DNAH7: variants seen among roughly 807,000 people sequenced by gnomAD.
The protein encoded by DNAH7 is dynein axonemal heavy chain 7, also known as axonemal beta dynein heavy chain 7.
A neutral mutation model predicts 444.6 loss-of-function variants in DNAH7; 397 were observed. The ratio of observed to expected loss-of-function variants is 0.89; its 90% CI spans 0.82 to 0.97. The LOEUF (loss-of-function observed/expected upper bound fraction) is 0.97, where lower values mean the gene tolerates loss of function less well. Among genes scored for constraint, DNAH7 ranks in the 50% least tolerant of loss-of-function variants. DNAH7 has a pLI of 0.00. For synonymous variants in DNAH7, 1,636 were observed against 1,624.4 expected (o/e 1.01, Z -0.17); for missense variants, 4,902 against 4,800.8 (o/e 1.02, Z -0.62).
At position 195,864,513 on chromosome 2, in the gene DNAH7, T is replaced by C; in HGVS notation, c.7142A>G (p.Lys2381Arg). The C allele has an allele frequency of 6.2e-7, 1 of 1,614,170 alleles. No individual in the cohort carries two copies. The highest frequency in any genetic ancestry group is 8.5e-7 in the Non-Finnish European group (1 of 1,180,030). ...YDTTEWHEDL[K>R]VILRKCAEGE... ...TTCCGCACATTTCCTTAAGATCACT[T>C]TTAAATCTTCATGCCATTCAGTAGT... Residue 2381 changes from lysine (K) to arginine (R), a missense_variant, in exon 41 of 65, where the codon AAA (lysine) becomes AGA (arginine). Transcript: ENST00000312428.
rs2105863053 is a variant in DNAH7, at chr2:195,737,862, A to AATG, written c.*58_*59insCAT. On this transcript the variant is annotated 3_prime_UTR_variant, in exon 65 of 65. Coordinates refer to ENST00000312428, the MANE Select transcript of DNAH7 (RefSeq NM_018897.3). ...AAAAAAAAGGTTTAAGTAGTAAAAT[A>AATG]TGCTTTCTCTACTCAGCCAGCCAAC... 1 of 1,541,632 alleles carries AATG rather than the reference A, an allele frequency of 6.5e-7. No homozygotes were observed. The highest frequency in any genetic ancestry group is 8.9e-7 in the Non-Finnish European group (1 of 1,123,292).
intron 48 of DNAH7, among the ~76,000 whole-genome samples, chr2:195,825,784 G>A (rs1034970574): frequency 5.9e-5 from 9 of 152,156 alleles, no homozygotes; most frequent in Non-Finnish European, 1.2e-4. Flanking sequence ...AATCTGGATG[G>A]GAAGGAAGGG....
At chr2:195,821,766 T>G (rs1222611934) in intron 49 of DNAH7, among the ~76,000 whole-genome samples, 1 of 152,178 alleles carries the variant, frequency 6.6e-6, no homozygotes, top group African/African-American at 2.4e-5. Context: ...TGGAGTTGCT[T>G]TAGCCTCCAC....
chr2:195,947,299 A>T (rs962880607), intron 19 of DNAH7, among the ~76,000 whole-genome samples: 12 of 151,840 alleles, frequency 7.9e-5, no homozygotes, highest in South Asian at 4.2e-4. Context: ...TTATTTTTTT[A>T]AATTATGATT....
At chr2:195,998,564 CAAAAAAA>C (rs539748720) in intron 12 of DNAH7, among the ~76,000 whole-genome samples, 1 of 96,968 alleles carries the variant, frequency 1.0e-5, no homozygotes, top group South Asian at 3.4e-4. Flanking sequence ...GACTCCAACT[CAAAAAAA>C]AAAAAAAAAA....
intron 15 of DNAH7, among the ~76,000 whole-genome samples, chr2:195,976,727 G>C (rs1426656418): frequency 1.4e-5 from 2 of 146,022 alleles, no homozygotes; most frequent in African/African-American, 2.6e-5. Flanking sequence ...TTAGCAGACA[G>C]AGAGAGACAG....
intron 47 of DNAH7, among the ~76,000 whole-genome samples, chr2:195,840,287 C>T (rs1426335758): frequency 6.6e-6 from 1 of 151,624 alleles, no homozygotes; most frequent in Non-Finnish European, 1.5e-5. Flanking sequence ...GCAGAAAAAA[C>T]ATTTCACAAA....
At chr2:196,017,532 A>G (rs551001575) in intron 9 of DNAH7, among the ~76,000 whole-genome samples, 2 of 150,826 alleles carry the variant, frequency 1.3e-5, no homozygotes, top group South Asian at 4.2e-4. Flanking sequence ...ATATAAGCAC[A>G]TGCCATAGAG....
At chr2:195,755,229 G>C (rs915253381) in intron 62 of DNAH7, among the ~76,000 whole-genome samples, 1 of 152,138 alleles carries the variant, frequency 6.6e-6, no homozygotes, top group Non-Finnish European at 1.5e-5. Context: ...TGCTTTGGAA[G>C]TTTTTCTTCC....
chr2:195,945,075 A>C (rs1689711965), intron 19 of DNAH7, among the ~76,000 whole-genome samples: 1 of 151,856 alleles, frequency 6.6e-6, no homozygotes, highest in Non-Finnish European at 1.5e-5. Context: ...ACTACTCTAA[A>C]ACCCAAGTGG....
chr2:195,899,744 G>A (rs761788895), intron 28 of DNAH7, among the ~76,000 whole-genome samples: 2 of 152,050 alleles, frequency 1.3e-5, no homozygotes, highest in Non-Finnish European at 1.5e-5. Context: ...ACTAACTAAT[G>A]TACAGTTATA....
chr2:196,046,303 C>G (rs1697121606), intron 5 of DNAH7, among the ~76,000 whole-genome samples: 1 of 152,014 alleles, frequency 6.6e-6, no homozygotes, highest in Non-Finnish European at 1.5e-5. Context: ...ATGGGGAATT[C>G]CAACTGAAAT....
At chr2:196,045,464 G>A (rs1368339472) in intron 5 of DNAH7, among the ~76,000 whole-genome samples, 1 of 151,744 alleles carries the variant, frequency 6.6e-6, no homozygotes, top group East Asian at 1.9e-4. Flanking sequence ...AATGAGGAGT[G>A]GAATGCAAAA....
chr2:195,901,537 T>C (rs1686706778), intron 27 of DNAH7: 1 of 152,116 alleles, frequency 6.6e-6, no homozygotes, highest in Non-Finnish European at 1.5e-5. Flanking sequence ...GGAAGCAACA[T>C]GTTACAGAAC....
At position 195,884,826 on chromosome 2, in the gene DNAH7, A is replaced by G. The variant is rs749161563; in HGVS notation, c.5539-17T>C. The G allele has an allele frequency of 6.3e-7, 1 of 1,580,012 alleles. No homozygotes were observed. The highest frequency in any genetic ancestry group is 8.7e-7 in the Non-Finnish European group (1 of 1,154,292). ...AAAAATGCCCTGCATTGGACAGATG[A>G]GAAGATTAAGAACAATTAAAGAATA... On this transcript the variant is annotated splice_polypyrimidine_tract_variant and intron_variant, in intron 34 of 64. Coordinates refer to ENST00000312428, the MANE Select transcript of DNAH7 (RefSeq NM_018897.3).
At chr2:195,906,453 CTTTT>C (rs397870111) in intron 27 of DNAH7, among the ~76,000 whole-genome samples, 5 of 114,710 alleles carry the variant, frequency 4.4e-5, no homozygotes, top group South Asian at 3.0e-4. Flanking sequence ...TTCTTTCTTT[CTTTT>C]TTTTTTTTTT....
intron 1 of DNAH7, among the ~76,000 whole-genome samples, chr2:196,064,228 T>G (rs1359478070): frequency 2.0e-5 from 3 of 151,600 alleles, no homozygotes; most frequent in Admixed American, 2.0e-4. Flanking sequence ...GGCAGGAGAA[T>G]GGCGTGAACC....
At chr2:195,931,782 A>C (rs1647338696) in intron 21 of DNAH7, among the ~76,000 whole-genome samples, 1 of 152,158 alleles carries the variant, frequency 6.6e-6, no homozygotes, top group Non-Finnish European at 1.5e-5. Context: ...ATTGGTCTAC[A>C]TCTCTGTTTT....
In DNAH7 at chr2:195,960,838, T is replaced by C. The variant is rs1213199470; in HGVS notation, c.2313A>G (p.Glu771=). 7 of 1,614,068 alleles carry C rather than the reference T, an allele frequency of 4.3e-6. No individual in the cohort carries two copies. The South Asian group carries it at 4.4e-5, about 10-fold the overall frequency. The change falls in exon 18 of 65, where the codon GAA becomes GAG. Residue 771 remains glutamate (E), a synonymous_variant. Transcript: ENST00000312428. ...AGTTGCTGCTAAATTCGACAGCAGT[T>C]TCATAAAGACGAAGATAAGGGTTCA... The part of the protein sequence containing the change: ...DGLNPYLRLY[E]TAVEFSSNYR...
Sources: gnomAD v4.1 joint callset for allele counts (sites outside exome capture counted in the v4.1 genomes callset) on GRCh38, gnomAD v4.1.1 for gene constraint, MANE v1.5 for transcripts, NCBI Gene and HGNC (gene_info 2026-07-23, HGNC 2026-07-21) for gene names.